Variants in WDR72 observed in about 807,000 individuals in gnomAD.
WDR72 encodes WD repeat-containing protein 72.
Under a neutral mutation model 124.2 loss-of-function variants are expected in WDR72, and 120 were observed. That is an observed-to-expected ratio of 0.97 (90% confidence interval 0.83 to 1.12). The LOEUF is 1.12. Ranked by LOEUF, WDR72 falls within the 50% of genes most tolerant of loss-of-function variation. WDR72 has a pLI of 0.00. For synonymous variants in WDR72, 452 were observed against 441.7 expected (o/e 1.02, Z -0.29); for missense variants, 1,387 against 1,278.8 (o/e 1.08, Z -1.29).
At chr15:53,570,573 G>C (rs1233038382) in intron 18 of WDR72, among the ~76,000 whole-genome samples, 1 of 152,016 alleles carries the variant, frequency 6.6e-6, no homozygotes, top group African/African-American at 2.4e-5. Flanking sequence ...TTATTAAAAT[G>C]TCAAAAAATA....
intron 14 of WDR72, among the ~76,000 whole-genome samples, chr15:53,628,281 G>A (rs972859936): frequency 1.3e-5 from 2 of 152,044 alleles, no homozygotes; most frequent in South Asian, 4.1e-4. Flanking sequence ...CATTAGAAGT[G>A]TAGTTAATGC....
At chr15:53,659,797 T>G (rs933008824) in intron 14 of WDR72, among the ~76,000 whole-genome samples, 7 of 152,260 alleles carry the variant, frequency 4.6e-5, no homozygotes, top group African/African-American at 1.4e-4. Context: ...AGTTATACAC[T>G]GTCAAAAACT....
At chr15:53,632,388 G>A (rs1169860839) in intron 14 of WDR72, among the ~76,000 whole-genome samples, 1 of 152,028 alleles carries the variant, frequency 6.6e-6, no homozygotes, top group Non-Finnish European at 1.5e-5. Flanking sequence ...AGATCTCAGA[G>A]GCCATATGGA....
chr15:53,539,989 T>C (rs1473857419), intron 18 of WDR72, among the ~76,000 whole-genome samples: 5 of 152,160 alleles, frequency 3.3e-5, no homozygotes, highest in African/African-American at 1.2e-4. Context: ...CACAATATTA[T>C]TGAGCATGGT....
At chr15:53,527,878 A>AGTAGTAAACTC (rs1892214093) in intron 18 of WDR72, among the ~76,000 whole-genome samples, 1 of 151,972 alleles carries the variant, frequency 6.6e-6, no homozygotes, top group Non-Finnish European at 1.5e-5. Flanking sequence ...TACTAGCTCA[A>AGTAGTAAACTC]TATGGTAGCC....
chr15:53,648,737 C>T (rs1374582259), intron 14 of WDR72, among the ~76,000 whole-genome samples: 1 of 151,806 alleles, frequency 6.6e-6, no homozygotes, highest in Non-Finnish European at 1.5e-5. Context: ...GAAATCAATA[C>T]CCAGAGAGTA....
rs374531334 is a variant in WDR72, at chr15:53,711,481, C to T, written c.712G>A (p.Val238Ile). Residue 238 changes from valine to isoleucine, a missense_variant and splice_region_variant, in exon 8 of 20, where the codon GTT becomes ATT. Val to Ile is a conservative substitution (Grantham distance 29). Transcript: ENST00000360509. ...LLVVFSKCWK[V>I]YDYCDFSLLL... ...AGGGAAAAATCACAATAATCATAAA[C>T]CTAAAATATGAAGTTGATGCACATT... The T allele has an allele frequency of 1.2e-6, 2 of 1,613,882 alleles. No individual in the cohort carries two copies. The highest frequency in any genetic ancestry group is 1.7e-6 in the Non-Finnish European group (2 of 1,179,986).
At chr15:53,601,852 T>C (rs2013059126) in intron 17 of WDR72, among the ~76,000 whole-genome samples, 1 of 152,100 alleles carries the variant, frequency 6.6e-6, no homozygotes, top group African/African-American at 2.4e-5. Context: ...AGCAAGTTCT[T>C]AGAGACCTAC....
chr15:53,576,713 A>C (rs902243137), intron 18 of WDR72, among the ~76,000 whole-genome samples: 8 of 152,130 alleles, frequency 5.3e-5, no homozygotes, highest in African/African-American at 1.9e-4. Flanking sequence ...TGAACAAGAC[A>C]GGCTTGGTGG....
chr15:53,630,398 A>C (rs2014379575), intron 14 of WDR72, among the ~76,000 whole-genome samples: 1 of 152,182 alleles, frequency 6.6e-6, no homozygotes, highest in Non-Finnish European at 1.5e-5. Flanking sequence ...AACCAGACAG[A>C]GATATCACAA....
intron 14 of WDR72, among the ~76,000 whole-genome samples, chr15:53,633,856 C>A (rs1006935451): frequency 1.3e-5 from 2 of 152,150 alleles, no homozygotes; most frequent in African/African-American, 2.4e-5. Context: ...TTGCTACTGA[C>A]CCTTGTGTGT....
In WDR72 at chr15:53,527,085, C is replaced by T. The variant is rs147602231; in HGVS notation, c.3149-3763G>A. Reference sequence around the variant, plus strand: ...AACTATTAGTGTAATTCTTCTAGATCCTAAAGAAATGAATTGTTTGGCCAA... The same window carrying T: ...AACTATTAGTGTAATTCTTCTAGATTCTAAAGAAATGAATTGTTTGGCCAA... On this transcript the variant is annotated intron_variant, in intron 18 of 19. Transcript: ENST00000360509. 3.2e-3 allele frequency among the ~76,000 whole-genome samples: 494 copies of T among 152,008 alleles called. 3 individuals carry two copies. The highest frequency in any genetic ancestry group is 0.014 in the Middle Eastern group (4 of 294).
chr15:53,747,748 G>A (rs2018676904), intron 1 of WDR72, among the ~76,000 whole-genome samples: 1 of 152,176 alleles, frequency 6.6e-6, no homozygotes, highest in African/African-American at 2.4e-5. Flanking sequence ...GAAAGGCCAA[G>A]GGTGTCTAAT....
intron 1 of WDR72, among the ~76,000 whole-genome samples, chr15:53,757,548 A>C (rs1455599790): frequency 6.6e-6 from 1 of 152,040 alleles, no homozygotes; most frequent in Non-Finnish European, 1.5e-5. Context: ...ACTTGAGCCC[A>C]GGGACCAGAG....
chr15:53,654,679 T>C (rs536195415), intron 14 of WDR72, among the ~76,000 whole-genome samples: 44 of 152,298 alleles, frequency 2.9e-4, no homozygotes, highest in Admixed American at 1.0e-3. Context: ...CTAATCTCAG[T>C]AGCTATCTTG....
Position 53,743,994 on chromosome 15 carries a change from T to TATC in WDR72, c.-12-10836_-12-10834dup, listed in dbSNP as rs2018579062. 5.9e-5 allele frequency among the ~76,000 whole-genome samples: 9 copies of TATC among 151,390 alleles called. 1 individual carries two copies. The highest frequency in any genetic ancestry group is 5.9e-4 in the Admixed American group (9 of 15,184). On this transcript the variant is annotated intron_variant, in intron 1 of 19. Coordinates refer to ENST00000360509, the MANE Select transcript of WDR72 (RefSeq NM_182758.4). ...GTCTCAAAAAAAAAAAAAAAAAATT[T>TATC]ATCAAATGAATCTTCTCTTCAGATC... is the stretch of plus-strand genomic sequence containing the variant.
chr15:53,557,830 T>G (rs1893986491), intron 18 of WDR72, among the ~76,000 whole-genome samples: 1 of 152,088 alleles, frequency 6.6e-6, no homozygotes, highest in South Asian at 2.1e-4. Flanking sequence ...TTTCTCATAT[T>G]ATTATTACTA....
intron 1 of WDR72, among the ~76,000 whole-genome samples, chr15:53,742,267 T>C (rs552724855): frequency 1.3e-5 from 2 of 152,190 alleles, no homozygotes; most frequent in Non-Finnish European, 2.9e-5. Context: ...TCCCTAGGAA[T>C]CTCTAAGTGA....
intron 14 of WDR72, among the ~76,000 whole-genome samples, chr15:53,659,263 AACTTG>A (rs1237034756): frequency 2.4e-4 from 37 of 152,288 alleles, no homozygotes; most frequent in African/African-American, 8.9e-4. Context: ...ACATCGAGGG[AACTTG>A]ACAACATTAA....
Sources: gnomAD v4.1 joint callset for allele counts (sites outside exome capture counted in the v4.1 genomes callset) on GRCh38, gnomAD v4.1.1 for gene constraint, MANE v1.5 for transcripts, NCBI Gene and HGNC (gene_info 2026-07-23, HGNC 2026-07-21) for gene names.